AMBRA1: variants seen among roughly 807,000 people sequenced by gnomAD.
The protein encoded by AMBRA1 is autophagy and beclin 1 regulator 1.
A neutral mutation model predicts 125.4 loss-of-function variants in AMBRA1; 47 were observed. That is an observed-to-expected ratio of 0.37 (90% confidence interval 0.30 to 0.48). AMBRA1 has a LOEUF of 0.48. Among genes scored for constraint, AMBRA1 ranks in the 20% least tolerant of loss-of-function variants. The probability of loss-of-function intolerance (pLI) is 0.99; values close to 1 mark genes in which losing one functional copy is unlikely to be tolerated. For synonymous variants in AMBRA1, 626 were observed against 655.5 expected (o/e 0.95, Z 0.69); for missense variants, 1,331 against 1,693.4 (o/e 0.79, Z 3.76).
chr11:46,495,762 T>C (rs1950606428), intron 9 of AMBRA1, among the ~76,000 whole-genome samples: 1 of 152,264 alleles, frequency 6.6e-6, no homozygotes, highest in Non-Finnish European at 1.5e-5. Context: ...TTTTCAAATA[T>C]ACTACTGTTG....
chr11:46,408,716 GA>G lies in AMBRA1; in HGVS notation c.3210-11del, dbSNP rs753153424. The G allele has an allele frequency of 3.3e-6, 5 of 1,513,340 alleles. No homozygotes were observed. The highest frequency in any genetic ancestry group is 2.1e-5 in the Admixed American group (1 of 47,768). 93.7% of individuals were successfully genotyped at this position (1,513,340 alleles called of 1,614,324 possible). The stretch of plus-strand genomic sequence containing the variant: ...TGTGGCTCTGCTGGTTCTAGGGAGA[GA>G]AAGGCAGACTAAAGTCAGATGGGGC... On this transcript the variant is annotated splice_polypyrimidine_tract_variant and intron_variant, in intron 16 of 17. Coordinates refer to ENST00000683756, the MANE Select transcript of AMBRA1 (RefSeq NM_001387011.1).
intron 11 of AMBRA1, among the ~76,000 whole-genome samples, chr11:46,478,045 G>A (rs1370600298): frequency 1.3e-5 from 2 of 151,954 alleles, no homozygotes; most frequent in Admixed American, 6.6e-5. Flanking sequence ...AAGAATGACT[G>A]GTGAATATAC....
chr11:46,542,706 C>G lies in AMBRA1; in HGVS notation c.1311G>C (p.Pro437=). ...TCACCGAAGAGGCACTGGTTCTGGG[C>G]GGGGGCATGGATTCCGCCTCAGAGC... ...NSRSEAESMP[P]PRTSASSVSL... is the part of the protein sequence containing the mutation. The change falls in exon 7 of 18, where the codon CCG becomes CCC. Residue 437 remains proline, a synonymous_variant. Transcript: ENST00000683756. This position sits in a 1 kb window ranked among gnomAD's most constrained non-coding sequence, Gnocchi z 5.9. 1.9e-6 allele frequency: 3 copies of G among 1,614,062 alleles called. No individual in the cohort carries two copies. Among genetic ancestry groups the G allele is most frequent in the East Asian group, 2.2e-5 (1 of 44,868 alleles).
At chr11:46,433,693 A>G (rs1947561972) in intron 13 of AMBRA1, 65 bp from the exon 14 acceptor site, 1 of 1,509,796 alleles carries the variant, frequency 6.6e-7, no homozygotes, top group Non-Finnish European at 9.0e-7. Flanking sequence ...AACAACTTTC[A>G]CTCTTACTCT....
At chr11:46,401,603 C>T (rs1945763457) in intron 17 of AMBRA1, among the ~76,000 whole-genome samples, 1 of 152,214 alleles carries the variant, frequency 6.6e-6, no homozygotes, top group African/African-American at 2.4e-5. Flanking sequence ...CTGCTGCAGC[C>T]AAGCCCCCAG....
At chr11:46,411,461 G>C (rs1175138874) in intron 15 of AMBRA1, among the ~76,000 whole-genome samples, 1 of 152,184 alleles carries the variant, frequency 6.6e-6, no homozygotes, top group Non-Finnish European at 1.5e-5. Context: ...ACCAGGCACT[G>C]AGCCTCCAAA....
chr11:46,549,162 A>C (rs984668248), intron 1 of AMBRA1: 26 of 152,232 alleles, frequency 1.7e-4, no homozygotes, highest in African/African-American at 6.3e-4. Context: ...TCAGAAATTA[A>C]AATTCTACTA....
At chr11:46,439,548 G>T (rs187309778) in intron 12 of AMBRA1, among the ~76,000 whole-genome samples, 5 of 152,180 alleles carry the variant, frequency 3.3e-5, no homozygotes, top group Admixed American at 2.0e-4. Context: ...GTGAATCAAA[G>T]ACTTAACTAT....
At chr11:46,466,242 G>C (rs1438008063) in intron 11 of AMBRA1, among the ~76,000 whole-genome samples, 2 of 152,166 alleles carry the variant, frequency 1.3e-5, no homozygotes, top group Non-Finnish European at 2.9e-5. Flanking sequence ...AGCTACTTGG[G>C]AGGCTAAGGC....
intron 1 of AMBRA1, among the ~76,000 whole-genome samples, chr11:46,564,671 C>A (rs754883819): frequency 2.0e-5 from 3 of 152,108 alleles, no homozygotes; most frequent in Non-Finnish European, 4.4e-5. Context: ...ATTAGTAAAT[C>A]TGAATGAATC....
intron 17 of AMBRA1, among the ~76,000 whole-genome samples, chr11:46,398,488 A>C (rs146524676): frequency 2.0e-3 from 309 of 152,170 alleles, no homozygotes; most frequent in Non-Finnish European, 3.5e-3. Context: ...AGTTATTTTT[A>C]TATTGATTGA....
chr11:46,585,300 T>C (rs932846203), intron 1 of AMBRA1, among the ~76,000 whole-genome samples: 2 of 151,484 alleles, frequency 1.3e-5, no homozygotes, highest in African/African-American at 2.4e-5. Context: ...TATTGCCCTA[T>C]GACCCTGCCA....
At position 46,406,807 on chromosome 11, in the gene AMBRA1, T is replaced by C. The variant is rs562666649; in HGVS notation, c.3403+1706A>G. On this transcript the variant is annotated intron_variant, in intron 17 of 17. Transcript: ENST00000683756. Reference sequence around the variant, plus strand: ...TGAGGCAGACAGAATCACTTGAACCTGGGAGGCAGAGGTTGCAGTAAGCTG... The same window carrying C: ...TGAGGCAGACAGAATCACTTGAACCCGGGAGGCAGAGGTTGCAGTAAGCTG... Among the ~76,000 whole-genome samples, 24 of 151,136 alleles carry C rather than the reference T, an allele frequency of 1.6e-4. 1 individual carries two copies. In the South Asian group the frequency reaches 5.1e-3, roughly 32 times the overall value.
At chr11:46,473,690 CG>C (rs1949697998) in intron 11 of AMBRA1, among the ~76,000 whole-genome samples, 1 of 152,232 alleles carries the variant, frequency 6.6e-6, no homozygotes, top group Non-Finnish European at 1.5e-5. Context: ...CTCGCACTGT[CG>C]CCCAGGCTGA....
chr11:46,516,404 A>T (rs1951483697), intron 7 of AMBRA1, among the ~76,000 whole-genome samples: 1 of 149,296 alleles, frequency 6.7e-6, no homozygotes, highest in South Asian at 2.1e-4. Context: ...ATTGCTAGGA[A>T]CCTCAAAGAA....
At position 46,477,077 on chromosome 11, in the gene AMBRA1, C is replaced by A. The variant is rs1228040881; in HGVS notation, c.2521+16531G>T. 2.7e-5 allele frequency among the ~76,000 whole-genome samples: 4 copies of A among 149,734 alleles called. No individual in the cohort carries two copies. The Admixed American group carries it at 2.7e-4, about 10-fold the overall frequency. Reference sequence around the variant, plus strand: ...AGTGAGCCGAGATTGCGCCACTGCACTCCAGCCTGGGCAAGACTGTCTCAA... The same window carrying A: ...AGTGAGCCGAGATTGCGCCACTGCAATCCAGCCTGGGCAAGACTGTCTCAA... On this transcript the variant is annotated intron_variant, in intron 11 of 17. Transcript: ENST00000683756.
intron 14 of AMBRA1, among the ~76,000 whole-genome samples, chr11:46,420,226 G>A (rs1590756513): frequency 6.6e-6 from 1 of 152,306 alleles, no homozygotes; most frequent in South Asian, 2.1e-4. Flanking sequence ...CCAAATGTAA[G>A]GAACTCGTTA....
At chr11:46,479,882 C>T (rs1410778337) in intron 11 of AMBRA1, among the ~76,000 whole-genome samples, 1 of 152,058 alleles carries the variant, frequency 6.6e-6, no homozygotes, top group Non-Finnish European at 1.5e-5. Flanking sequence ...TTAAACAAGA[C>T]AAATTTATTA....
intron 11 of AMBRA1, among the ~76,000 whole-genome samples, chr11:46,466,797 C>T (rs1251796854): frequency 6.6e-6 from 1 of 152,166 alleles, no homozygotes; most frequent in Non-Finnish European, 1.5e-5. Flanking sequence ...GCCTCCAGCC[C>T]CATGACCCAC....
Sources: gnomAD v4.1 joint callset for allele counts (sites outside exome capture counted in the v4.1 genomes callset) on GRCh38, gnomAD v4.1.1 for gene constraint, Gnocchi (gnomAD v3.1) non-coding constraint, MANE v1.5 for transcripts, NCBI Gene and HGNC (gene_info 2026-07-23, HGNC 2026-07-21) for gene names.